EFCAB5: variants seen among roughly 807,000 people sequenced by gnomAD.
The protein encoded by EFCAB5 is EF-hand calcium-binding domain-containing protein 5.
In EFCAB5, 131 loss-of-function variants were observed where a neutral mutation model predicts 167.9. The observed-to-expected ratio is 0.78, with a 90% CI of 0.68 to 0.90. The LOEUF (loss-of-function observed/expected upper bound fraction) is 0.90. Ranked by LOEUF, EFCAB5 falls within the 40% of genes least tolerant of loss-of-function variation. The pLI is 0.00. For missense variants in EFCAB5, 1,663 were observed against 1,745.2 expected (o/e 0.95, Z 0.84); for synonymous variants, 574 against 602.8 (o/e 0.95, Z 0.70).
At chr17:30,091,719 A>G (rs777085637) in intron 20 of EFCAB5, among the ~76,000 whole-genome samples, 152 bp from the exon 21 acceptor site, 3 of 152,232 alleles carry the variant, frequency 2.0e-5, no homozygotes, top group Non-Finnish European at 4.4e-5. Context: ...TCATGGCTAA[A>G]GAAACTGAGA....
At chr17:29,951,559 G>A (rs1048168424) in intron 3 of EFCAB5, among the ~76,000 whole-genome samples, 2 of 150,678 alleles carry the variant, frequency 1.3e-5, no homozygotes, top group African/African-American at 4.9e-5. Context: ...GTTTCACCAT[G>A]TTAGCCAGGA....
upstream of EFCAB5, among the ~76,000 whole-genome samples, chr17:29,937,561 G>A (rs2067256030): frequency 1.3e-5 from 2 of 152,260 alleles, no homozygotes; most frequent in Admixed American, 6.5e-5. Context: ...CCCCAAGGAA[G>A]CAATATTTTT....
chr17:30,100,452 A>T (rs975398137), intron 22 of EFCAB5, among the ~76,000 whole-genome samples: 1 of 152,210 alleles, frequency 6.6e-6, no homozygotes, highest in Non-Finnish European at 1.5e-5. Context: ...AAATTTAAAT[A>T]GTCAGGTAGG....
chr17:30,050,738 T>C (rs750299179), intron 8 of EFCAB5, among the ~76,000 whole-genome samples: 5 of 152,218 alleles, frequency 3.3e-5, no homozygotes, highest in African/African-American at 4.8e-5. Flanking sequence ...TATTTTTCTA[T>C]AATCAAAAAA....
At chr17:30,098,185 T>A (rs2071330654) in intron 22 of EFCAB5, among the ~76,000 whole-genome samples, 1 of 151,746 alleles carries the variant, frequency 6.6e-6, no homozygotes, top group African/African-American at 2.4e-5. Context: ...TTCTCCCACC[T>A]CAGCCTCCCA....
intron 4 of EFCAB5, among the ~76,000 whole-genome samples, chr17:29,989,263 T>C (rs2068358099): frequency 6.6e-6 from 1 of 152,206 alleles, no homozygotes; most frequent in African/African-American, 2.4e-5. Flanking sequence ...GTTTTGCAAG[T>C]GATCATAACA....
chr17:30,030,655 T>C (rs1238194724), intron 7 of EFCAB5, among the ~76,000 whole-genome samples: 4 of 152,090 alleles, frequency 2.6e-5, no homozygotes, highest in Non-Finnish European at 4.4e-5. Flanking sequence ...AGAAAGGTTT[T>C]TTAACTAATT....
intron 9 of EFCAB5, among the ~76,000 whole-genome samples, chr17:30,052,505 A>G (rs1290444564): frequency 6.6e-6 from 1 of 152,180 alleles, no homozygotes; most frequent in South Asian, 2.1e-4. Flanking sequence ...AAGATTTATT[A>G]ATTGGATACT....
chr17:30,024,849 G>C (rs1273497866), intron 7 of EFCAB5, among the ~76,000 whole-genome samples: 1 of 152,012 alleles, frequency 6.6e-6, no homozygotes, highest in African/African-American at 2.4e-5. Context: ...TAGATCAATG[G>C]AACAGAACAG....
rs752593454 is a variant in EFCAB5, at chr17:30,107,785, A to T, written c.4322-49A>T. On this transcript the variant is annotated intron_variant, in intron 22 of 22. Transcript: ENST00000394835. ...TATTAGAACTTATAATTTTAATAGT[A>T]AAGTGCAAAACTCTCCACTCTTACT... 17 of 1,388,664 alleles carry T rather than the reference A, an allele frequency of 1.2e-5. No individual in the cohort carries two copies. In the South Asian group the frequency reaches 2.6e-4, roughly 21 times the overall value. The allele number at this position is 1,388,664 out of a possible 1,614,324, so 86.0% of individuals were successfully genotyped here. A position where few individuals can be genotyped will look rare whatever the true frequency, so the allele number is the denominator to read the frequency against.
chr17:29,961,452 T>G (rs1367727529), intron 3 of EFCAB5, among the ~76,000 whole-genome samples: 1 of 152,230 alleles, frequency 6.6e-6, no homozygotes, highest in Non-Finnish European at 1.5e-5. Flanking sequence ...CAAAAGTTTT[T>G]TAATTTTAAA....
chr17:30,090,831 G>A (rs543035593), intron 20 of EFCAB5, among the ~76,000 whole-genome samples, 157 bp downstream of exon 20: 2 of 152,118 alleles, frequency 1.3e-5, no homozygotes, highest in African/African-American at 2.4e-5. Context: ...TTGCGCTGAC[G>A]AGTAATGTCT....
Position 30,039,281 on chromosome 17 carries a change from G to A in EFCAB5, c.1200+4896G>A, listed in dbSNP as rs150695668. 4.4e-3 allele frequency among the ~76,000 whole-genome samples: 664 copies of A among 152,234 alleles called. 5 individuals carry two copies. Among genetic ancestry groups the A allele is most frequent in the African/African-American group, 0.015 (624 of 41,530 alleles). On this transcript the variant is annotated intron_variant, in intron 8 of 22. Transcript: ENST00000394835. Reference sequence around the variant, plus strand: ...ATCACACCCGAGTCAAGCAAGTGCCGTTATCATCAGAATCATGGGCCATTG... The same window carrying A: ...ATCACACCCGAGTCAAGCAAGTGCCATTATCATCAGAATCATGGGCCATTG...
chr17:30,078,583 T>C (rs2070918405), intron 15 of EFCAB5, 79 bp downstream of exon 15: 3 of 1,403,394 alleles, frequency 2.1e-6, no homozygotes, highest in Non-Finnish European at 2.8e-6. Flanking sequence ...AAGAGGAGCA[T>C]CTTGAATTCT....
intron 14 of EFCAB5, among the ~76,000 whole-genome samples, chr17:30,061,371 G>T (rs148630569): frequency 6.6e-6 from 1 of 152,172 alleles, no homozygotes; most frequent in Non-Finnish European, 1.5e-5. Context: ...GCCAATAACC[G>T]ATTGGCAAAT....
At chr17:30,084,364 C>T (rs979937967) in intron 18 of EFCAB5, among the ~76,000 whole-genome samples, 1 of 152,116 alleles carries the variant, frequency 6.6e-6, no homozygotes, top group African/African-American at 2.4e-5. Flanking sequence ...AGAAGAACAT[C>T]GTCAGGGCCT....
At chr17:29,957,428 C>CTACCATACA in intron 3 of EFCAB5, among the ~76,000 whole-genome samples, 1 of 152,092 alleles carries the variant, frequency 6.6e-6, no homozygotes, top group Non-Finnish European at 1.5e-5. Flanking sequence ...AAACCATCAC[C>CTACCATACA]TAGGTATTAA....
intron 3 of EFCAB5, chr17:29,968,378 G>C: frequency 2.2e-6 from 1 of 449,968 alleles, no homozygotes; most frequent in Non-Finnish European, 4.4e-6. Context: ...AAATGTAAAG[G>C]GAAGTCTTAG....
intron 14 of EFCAB5, among the ~76,000 whole-genome samples, chr17:30,075,020 T>C (rs968295938): frequency 3.9e-5 from 6 of 152,174 alleles, no homozygotes; most frequent in Admixed American, 2.6e-4. Flanking sequence ...TCTACTAATA[T>C]TAAAAACCAT....
Sources: gnomAD v4.1 joint callset for allele counts (sites outside exome capture counted in the v4.1 genomes callset) on GRCh38, gnomAD v4.1.1 for gene constraint, MANE v1.5 for transcripts, NCBI Gene and HGNC (gene_info 2026-07-23, HGNC 2026-07-21) for gene names.